The following POP1 variants were observed in gnomAD, a reference collection of about 807,000 sequenced individuals.
The protein encoded by POP1 is POP1 ribonuclease P/MRP subunit.
Under a neutral mutation model 102.2 loss-of-function variants are expected in POP1, and 75 were observed. That is an observed-to-expected ratio of 0.73 (90% confidence interval 0.61 to 0.89). POP1 has a LOEUF of 0.89. POP1 is among the 40% of genes least tolerant of loss of function. The probability of loss-of-function intolerance (pLI) is 0.00; values close to 1 mark genes in which losing one functional copy is unlikely to be tolerated. For missense variants in POP1, 1,116 were observed against 1,267.4 expected (o/e 0.88, Z 1.81); for synonymous variants, 436 against 464.1 (o/e 0.94, Z 0.78).
chr8:98,126,238 G>A (rs948497006), intron 2 of POP1, among the ~76,000 whole-genome samples: 2 of 152,138 alleles, frequency 1.3e-5, no homozygotes, highest in Admixed American at 1.3e-4. Flanking sequence ...ACACAATCAT[G>A]TGGATTATAG....
intron 11 of POP1, among the ~76,000 whole-genome samples, chr8:98,144,671 A>G (rs1816797160): frequency 6.6e-6 from 1 of 152,272 alleles, no homozygotes; most frequent in East Asian, 1.9e-4. Flanking sequence ...TCTGCAGCTT[A>G]GTCTGACTAA....
chr8:98,143,148 A>G (rs993344308), intron 11 of POP1, among the ~76,000 whole-genome samples: 1 of 152,202 alleles, frequency 6.6e-6, no homozygotes, highest in Non-Finnish European at 1.5e-5. Context: ...TCAATTCAAG[A>G]ACTTTTGTCT....
In POP1 at chr8:98,156,076, A is replaced by G. The variant is rs1384789590; in HGVS notation, c.2084A>G (p.Tyr695Cys). 4 of 1,613,686 alleles carry G rather than the reference A, an allele frequency of 2.5e-6. No individual in the cohort carries two copies. The Admixed American group carries it at 6.7e-5, about 27-fold the overall frequency. The change falls in exon 15 of 16, where the codon TAC becomes TGC. Residue 695 changes from tyrosine (Y) to cysteine (C), a missense_variant. Physicochemically the swap from Tyr to Cys is radical, Grantham distance 194 (BLOSUM62 -2). Transcript: ENST00000401707. Reference sequence around the variant, plus strand: ...CGCCCTCCTGCAAAACGGCCCAACTACGTTAAGCTTGGCACTCTGGCACCT... The same window carrying G: ...CGCCCTCCTGCAAAACGGCCCAACTGCGTTAAGCTTGGCACTCTGGCACCT... Reference protein sequence around the residue: ...KRRPPAKRPNYVKLGTLAPFC... With the variant: ...KRRPPAKRPNCVKLGTLAPFC...
At chr8:98,122,185 A>G (rs569797918) in intron 1 of POP1, among the ~76,000 whole-genome samples, 16 of 152,098 alleles carry the variant, frequency 1.1e-4, no homozygotes, top group Admixed American at 9.2e-4. Context: ...AATCAAAGCA[A>G]GTTTGTACTT....
chr8:98,119,168 T>A (rs1427711508), intron 1 of POP1, among the ~76,000 whole-genome samples: 1 of 152,246 alleles, frequency 6.6e-6, no homozygotes, highest in Non-Finnish European at 1.5e-5. Flanking sequence ...CTGATTAAAC[T>A]AGATAATTAA....
At chr8:98,142,787 G>A (rs570262206) in intron 11 of POP1, among the ~76,000 whole-genome samples, 3 of 152,272 alleles carry the variant, frequency 2.0e-5, no homozygotes, top group African/African-American at 7.2e-5. Flanking sequence ...CCTTTAGAGT[G>A]ATAGGTTAGA....
intron 11 of POP1, among the ~76,000 whole-genome samples, chr8:98,141,959 A>C (rs1454368771): frequency 5.9e-5 from 9 of 151,986 alleles, no homozygotes. Flanking sequence ...ATTGGATGAG[A>C]GAGGAGTTTG....
chr8:98,146,660 A>G lies in POP1; in HGVS notation c.1687A>G (p.Thr563Ala). The G allele has an allele frequency of 6.2e-7, 1 of 1,612,664 alleles. No homozygotes were observed. Among genetic ancestry groups the G allele is most frequent in the Non-Finnish European group, 8.5e-7 (1 of 1,178,682 alleles). ...GAACCAAGATATCTGTAAGAGTGTC[A>G]CAGAGAATAAAATCTCGGATCAGGT... ...IWNQDICKSV[T>A]ENKISDQDLN... Residue 563 changes from threonine (T) to alanine (A), a missense_variant, in exon 12 of 16, where the codon ACA becomes GCA. Transcript: ENST00000401707.
intron 7 of POP1, among the ~76,000 whole-genome samples, chr8:98,135,862 G>C (rs531804322): frequency 6.6e-6 from 1 of 151,918 alleles, no homozygotes; most frequent in South Asian, 2.1e-4. Flanking sequence ...ACCTTGTCCA[G>C]CTAATTATTT....
intron 14 of POP1, among the ~76,000 whole-genome samples, chr8:98,155,666 C>T (rs1809626193): frequency 6.6e-6 from 1 of 152,138 alleles, no homozygotes; most frequent in African/African-American, 2.4e-5. Context: ...ACTGCAACCT[C>T]TGCCTCCTGG....
At chr8:98,133,669 G>A (rs1215130727) in intron 5 of POP1, among the ~76,000 whole-genome samples, 1 of 152,188 alleles carries the variant, frequency 6.6e-6, no homozygotes, top group African/African-American at 2.4e-5. Context: ...CTAAAAAGTA[G>A]GATACCGTAA....
rs149813274 is a variant in POP1, at chr8:98,128,435, G to A, written c.381G>A (p.Ser127=). The A allele has an allele frequency of 4.3e-6, 7 of 1,613,922 alleles. No individual in the cohort carries two copies. Among genetic ancestry groups the A allele is most frequent in the African/African-American group, 2.7e-5 (2 of 74,896 alleles). The change falls in exon 4 of 16, where the codon TCG becomes TCA. Residue 127 remains serine, a synonymous_variant. Coordinates refer to ENST00000401707, the MANE Select transcript of POP1 (RefSeq NM_001145860.2). ...AMLKAVTQKS[S]NSLVFQTLPR... The stretch of plus-strand genomic sequence containing the variant: ...TAAAAGCTGTGACCCAGAAGTCTTC[G>A]AATTCACTGGTTTTTCAGACTCTGC...
chr8:98,139,090 A>C lies in POP1; in HGVS notation c.1363-988A>C, dbSNP rs983193759. On this transcript the variant is annotated intron_variant, in intron 9 of 15. Transcript: ENST00000401707. ...GGTCTCGAACTCCTGGCCTCAAGTG[A>C]CCCGCCTGCCTCGGCCTACCAAAAT... Among the ~76,000 whole-genome samples the C allele has an allele frequency of 1.3e-4, 20 of 151,676 alleles. No individual in the cohort carries two copies. In the East Asian group the frequency reaches 3.5e-3, roughly 26 times the overall value.
At chr8:98,122,048 C>T (rs1257243558) in intron 1 of POP1, among the ~76,000 whole-genome samples, 3 of 152,072 alleles carry the variant, frequency 2.0e-5, no homozygotes, top group Admixed American at 6.5e-5. Flanking sequence ...AGGTTGGTCT[C>T]GGACTCCTGA....
rs1430760385 is a variant in POP1, at chr8:98,153,531, C to CCCTTTTTTTTTTTTTTTTTTTTTTTT, written c.2058-2519_2058-2518insCCTTTTTTTTTTTTTTTTTTTTTTTT. ...CAACTAGATTTACAAACAGTTCTGA[C>CCCTTTTTTTTTTTTTTTTTTTTTTTT]TCTTTTTTTTTTTTTTTTTTTTTTT... On this transcript the variant is annotated intron_variant, in intron 14 of 15. Transcript: ENST00000401707. Among the ~76,000 whole-genome samples the CCCTTTTTTTTTTTTTTTTTTTTTTTT allele has an allele frequency of 4.9e-5, 4 of 81,236 alleles. 1 individual carries two copies. Among genetic ancestry groups the CCCTTTTTTTTTTTTTTTTTTTTTTTT allele is most frequent in the Non-Finnish European group, 9.0e-5 (4 of 44,502 alleles). 53.3% of individuals were successfully genotyped at this position (81,236 alleles called of 152,430 possible). A position where few individuals can be genotyped will look rare whatever the true frequency, so the allele number is the denominator to read the frequency against.
In POP1 at chr8:98,158,646, T is replaced by C. The variant is rs1029940587; in HGVS notation, c.*375T>C. On this transcript the variant is annotated 3_prime_UTR_variant, in exon 16 of 16. Transcript: ENST00000401707. ...CTCATAGTCATGTGATAAGCAACAATAGATGTTTAATGATTTCACTGTTAT... is the reference window on the plus strand; with the variant it reads ...CTCATAGTCATGTGATAAGCAACAACAGATGTTTAATGATTTCACTGTTAT... 2.7e-5 allele frequency: 6 copies of C among 224,354 alleles called. No individual in the cohort carries two copies. Among genetic ancestry groups the C allele is most frequent in the Non-Finnish European group, 4.5e-5 (5 of 111,944 alleles). The allele number at this position is 224,354 out of a possible 1,614,324, so 13.9% of individuals were successfully genotyped here. A position where few individuals can be genotyped will look rare whatever the true frequency, so the allele number is the denominator to read the frequency against.
chr8:98,146,499 C>T, intron 11 of POP1, 69 bp from the exon 12 acceptor site: 5 of 1,108,250 alleles, frequency 4.5e-6, no homozygotes, highest in Middle Eastern at 2.0e-4. Flanking sequence ...AGGCCTATTG[C>T]CAATGTTTGG....
At chr8:98,148,713 T>C in intron 12 of POP1, 102 bp from the exon 13 acceptor site, 1 of 1,025,962 alleles carries the variant, frequency 9.7e-7, no homozygotes. Context: ...TCTTGCTTTT[T>C]TAAAAGAGCA....
intron 7 of POP1, among the ~76,000 whole-genome samples, chr8:98,135,990 CCACCA>C (rs1326110902): frequency 6.6e-6 from 1 of 152,104 alleles, no homozygotes; most frequent in Non-Finnish European, 1.5e-5. Context: ...CAGACGTGAG[CCACCA>C]CACCTGGCCG....
Sources: gnomAD v4.1 joint callset for allele counts (sites outside exome capture counted in the v4.1 genomes callset) on GRCh38, gnomAD v4.1.1 for gene constraint, MANE v1.5 for transcripts, NCBI Gene and HGNC (gene_info 2026-07-23, HGNC 2026-07-21) for gene names.